Variants in GATAD2A observed in about 807,000 individuals in gnomAD.
GATAD2A encodes transcriptional repressor p66-alpha.
Under a neutral mutation model 68.5 loss-of-function variants are expected in GATAD2A, and 12 were observed. The ratio of observed to expected loss-of-function variants is 0.18; its 90% confidence interval spans 0.11 to 0.28. The LOEUF (loss-of-function observed/expected upper bound fraction) is 0.28, where lower values mean the gene tolerates loss of function less well. Ranked by LOEUF, GATAD2A falls within the 10% of genes least tolerant of loss-of-function variation. The pLI is 1.00. For missense variants in GATAD2A, 755 were observed against 868.5 expected (o/e 0.87, Z 1.64); for synonymous variants, 410 against 375.3 (o/e 1.09, Z -1.07).
intron 1 of GATAD2A, among the ~76,000 whole-genome samples, chr19:19,413,408 G>A (rs1004365198): frequency 1.3e-5 from 2 of 152,066 alleles, no homozygotes; most frequent in African/African-American, 4.8e-5. Context: ...TATCATTGAC[G>A]GAACACCTGA....
intron 1 of GATAD2A, chr19:19,458,604 G>A (rs1389014270): frequency 6.6e-6 from 1 of 152,218 alleles, no homozygotes; most frequent in Non-Finnish European, 1.5e-5. Context: ...TGTTGCCAGG[G>A]CTCTGGTGAG....
chr19:19,399,836 A>C (rs1474502904), intron 1 of GATAD2A, among the ~76,000 whole-genome samples: 1 of 152,082 alleles, frequency 6.6e-6, no homozygotes, highest in Non-Finnish European at 1.5e-5. Flanking sequence ...CCATTTAACA[A>C]ATGGGGAGTA....
intron 1 of GATAD2A, among the ~76,000 whole-genome samples, chr19:19,449,404 G>A (rs991394874): frequency 9.2e-5 from 14 of 152,016 alleles, no homozygotes; most frequent in African/African-American, 2.9e-4. Context: ...GGGTCCAGGC[G>A]GTTTCAAACT....
chr19:19,396,997 C>T (rs1289705454), intron 1 of GATAD2A, among the ~76,000 whole-genome samples: 1 of 152,126 alleles, frequency 6.6e-6, no homozygotes, highest in East Asian at 1.9e-4. Flanking sequence ...TGAGCCACTG[C>T]TCCCAGCCGT....
At chr19:19,484,199 G>A (rs553913962) in intron 2 of GATAD2A, among the ~76,000 whole-genome samples, 1 of 152,264 alleles carries the variant, frequency 6.6e-6, no homozygotes, top group Non-Finnish European at 1.5e-5. Flanking sequence ...TAAAAATGCA[G>A]TGAGCCATGA....
chr19:19,391,076 A>C (rs539051387), intron 1 of GATAD2A, among the ~76,000 whole-genome samples: 2 of 152,302 alleles, frequency 1.3e-5, no homozygotes, highest in East Asian at 1.9e-4. Flanking sequence ...ACATTTTACA[A>C]AATTTTTTTC....
intron 1 of GATAD2A, among the ~76,000 whole-genome samples, chr19:19,448,298 G>T (rs1258917215): frequency 6.6e-6 from 1 of 152,238 alleles, no homozygotes; most frequent in Admixed American, 6.5e-5. Flanking sequence ...GGCAGCGTCT[G>T]TTTCTCTCTC....
At position 19,413,379 on chromosome 19, in the gene GATAD2A, G is replaced by A. The variant is rs78102374; in HGVS notation, c.-7+7360G>A. Among the ~76,000 whole-genome samples, 19 of 152,304 alleles carry A rather than the reference G, an allele frequency of 1.2e-4. No individual in the cohort carries two copies. The East Asian group carries it at 3.7e-3, about 29-fold the overall frequency. The stretch of plus-strand genomic sequence containing the variant: ...TGGTTCCGTCACTCTCGAGACCTGT[G>A]CTGTTCTCAGGACTTGCGTATCATT... On this transcript the variant is annotated intron_variant, in intron 1 of 11. Transcript: ENST00000683918.
chr19:19,496,752 C>T (rs544319649), intron 7 of GATAD2A, among the ~76,000 whole-genome samples: 1 of 152,334 alleles, frequency 6.6e-6, no homozygotes, highest in African/African-American at 2.4e-5. Flanking sequence ...TCTGTCCCCA[C>T]CCACTGGAAG....
intron 1 of GATAD2A, among the ~76,000 whole-genome samples, chr19:19,409,772 C>A (rs958760264): frequency 1.3e-5 from 2 of 152,144 alleles, no homozygotes; most frequent in African/African-American, 4.8e-5. Flanking sequence ...GGGACAGATC[C>A]CGCTCGAGCA....
At chr19:19,420,631 C>T (rs1394581930) in intron 1 of GATAD2A, among the ~76,000 whole-genome samples, 3 of 151,922 alleles carry the variant, frequency 2.0e-5, no homozygotes, top group Admixed American at 2.0e-4. Context: ...TGAGCCACCG[C>T]GACCAGCCCC....
At position 19,433,632 on chromosome 19, in the gene GATAD2A, A is replaced by G. The variant is rs2063730708; in HGVS notation, c.-7+27613A>G. Reference sequence around the variant, plus strand: ...AACAGTATTTTACACAAGTGAGGCTATTGTGATTGATTCATGCAAACAACA... The same window carrying G: ...AACAGTATTTTACACAAGTGAGGCTGTTGTGATTGATTCATGCAAACAACA... On this transcript the variant is annotated intron_variant, in intron 1 of 11. Transcript: ENST00000683918. Among the ~76,000 whole-genome samples, 5 of 152,186 alleles carry G rather than the reference A, an allele frequency of 3.3e-5. No homozygotes were observed. The South Asian group carries it at 8.3e-4, about 25-fold the overall frequency.
At chr19:19,458,105 T>C (rs1429784407) in intron 1 of GATAD2A, among the ~76,000 whole-genome samples, 2 of 152,234 alleles carry the variant, frequency 1.3e-5, no homozygotes, top group Non-Finnish European at 2.9e-5. Context: ...TCTGTATCTC[T>C]GGTGTGTCTT....
At chr19:19,486,137 T>C (rs530406311) in intron 2 of GATAD2A, among the ~76,000 whole-genome samples, 1 of 152,306 alleles carries the variant, frequency 6.6e-6, no homozygotes, top group African/African-American at 2.4e-5. Flanking sequence ...CTTGGGGGGT[T>C]TGTGAATGTT....
chr19:19,401,415 G>A (rs1032179125), upstream of GATAD2A, among the ~76,000 whole-genome samples: 1 of 151,766 alleles, frequency 6.6e-6, no homozygotes, highest in Non-Finnish European at 1.5e-5. Flanking sequence ...GGGTTTCACC[G>A]TGTTAGCCAG....
At chr19:19,459,507 GAGCCC>G (rs2057236481) in intron 1 of GATAD2A, among the ~76,000 whole-genome samples, 1 of 152,032 alleles carries the variant, frequency 6.6e-6, no homozygotes, top group African/African-American at 2.4e-5. Flanking sequence ...AGCATCACTT[GAGCCC>G]AGGTGTTTTG....
intron 1 of GATAD2A, among the ~76,000 whole-genome samples, chr19:19,393,881 T>C (rs2049026930): frequency 6.6e-6 from 1 of 151,540 alleles, no homozygotes; most frequent in Non-Finnish European, 1.5e-5. Flanking sequence ...TTTTCAGGTT[T>C]GCCTTTGTTT....
intron 1 of GATAD2A, among the ~76,000 whole-genome samples, chr19:19,407,675 G>A (rs1433083697): frequency 1.3e-5 from 2 of 152,204 alleles, no homozygotes; most frequent in Admixed American, 6.5e-5. Context: ...GGTGACATGG[G>A]GACACCATGC....
chr19:19,394,832 C>T (rs970842538), intron 1 of GATAD2A, among the ~76,000 whole-genome samples: 15 of 152,190 alleles, frequency 9.9e-5, no homozygotes, highest in Admixed American at 8.5e-4. Flanking sequence ...TTGACAGGTG[C>T]TTTTCTTAAG....
Sources: gnomAD v4.1 joint callset for allele counts (sites outside exome capture counted in the v4.1 genomes callset) on GRCh38, gnomAD v4.1.1 for gene constraint, MANE v1.5 for transcripts, NCBI Gene and HGNC (gene_info 2026-07-23, HGNC 2026-07-21) for gene names.